Variants in THSD4 observed in about 807,000 individuals in gnomAD.
THSD4 encodes thrombospondin type 1 domain containing 4.
Under a neutral mutation model 119.0 loss-of-function variants are expected in THSD4, and 69 were observed. That is an observed-to-expected ratio of 0.58 (90% confidence interval 0.48 to 0.71). THSD4 has a LOEUF of 0.71. THSD4 is among the 30% of genes least tolerant of loss of function. The pLI is 0.00. For missense variants in THSD4, 1,393 were observed against 1,391.1 expected (o/e 1.00, Z -0.02); for synonymous variants, 524 against 540.4 (o/e 0.97, Z 0.42).
rs2048857399 is a variant in THSD4 at position 71,547,607 on chromosome 15, C to G, written c.1153-112923C>G. The G allele has an allele frequency of 1.3e-5, 14 of 1,074,720 alleles. No homozygotes were observed. In the South Asian group the frequency reaches 2.4e-4, roughly 18 times the overall value. 66.6% of individuals were successfully genotyped at this position (1,074,720 alleles called of 1,614,324 possible). On this transcript the variant is annotated intron_variant, in intron 7 of 17. Transcript: ENST00000261862. The stretch of plus-strand genomic sequence containing the variant: ...GTGCAAAGAGTAATGCTTTATATTA[C>G]TTTTGTAGGCTTCTCTTGCCTTTTC...
intron 7 of THSD4, among the ~76,000 whole-genome samples, chr15:71,521,479 C>T (rs374472550): frequency 1.3e-5 from 2 of 152,130 alleles, no homozygotes; most frequent in African/African-American, 2.4e-5. Context: ...GGTGGATGAT[C>T]GGATCTCAGT....
intron 4 of THSD4, among the ~76,000 whole-genome samples, chr15:71,216,752 G>A (rs920444659): frequency 2.6e-5 from 4 of 152,326 alleles, no homozygotes; most frequent in African/African-American, 7.2e-5. Flanking sequence ...CTAGATGTAC[G>A]TTGTCTCTTT....
At chr15:71,469,984 CAT>C (rs1267764361) in intron 7 of THSD4, among the ~76,000 whole-genome samples, 2 of 152,070 alleles carry the variant, frequency 1.3e-5, no homozygotes, top group East Asian at 3.9e-4. Context: ...TGGATTTTAA[CAT>C]ATAAATAGGA....
At chr15:71,555,065 C>A (rs886843981) in intron 7 of THSD4, among the ~76,000 whole-genome samples, 2 of 152,122 alleles carry the variant, frequency 1.3e-5, no homozygotes. Context: ...AATATAATCA[C>A]AGGTGTATGT....
Position 71,746,954 on chromosome 15 carries a change from G to T in THSD4, c.2153G>T (p.Arg718Leu). Residue 718 changes from arginine to leucine, a missense_variant, in exon 13 of 18, where the codon CGC (arginine) becomes CTC (leucine). By Grantham distance (102) the Arg-to-Leu change is moderately radical (BLOSUM62 -2). Coordinates refer to ENST00000261862, the MANE Select transcript of THSD4 (RefSeq NM_024817.3). The part of the protein sequence containing the change: ...ANRSLTVQPY[R>L]CQHLEKPETT... The stretch of plus-strand genomic sequence containing the variant: ...CGCAGCCTGACGGTGCAGCCCTACC[G>T]CTGCCAGCACCTGGAGAAACCTGAG... 1.2e-6 allele frequency: 2 copies of T among 1,613,728 alleles called. No individual in the cohort carries two copies.
At chr15:71,400,101 G>A (rs1012906164) in intron 6 of THSD4, among the ~76,000 whole-genome samples, 2 of 152,128 alleles carry the variant, frequency 1.3e-5, no homozygotes, top group African/African-American at 4.8e-5. Flanking sequence ...AGTCAGTAAA[G>A]TAAGATTCAG....
intron 4 of THSD4, among the ~76,000 whole-genome samples, chr15:71,223,472 G>A (rs141166338): frequency 7.2e-5 from 11 of 152,298 alleles, no homozygotes; most frequent in Admixed American, 3.3e-4. Context: ...AACACTACCC[G>A]CTGTCATTAG....
At chr15:71,569,586 G>T (rs2140896910) in intron 7 of THSD4, among the ~76,000 whole-genome samples, 1 of 152,324 alleles carries the variant, frequency 6.6e-6, no homozygotes, top group South Asian at 2.1e-4. Flanking sequence ...AGTAAGACTG[G>T]TGTCTAAACT....
intron 3 of THSD4, among the ~76,000 whole-genome samples, chr15:71,190,607 ATTTT>A (rs772139653): frequency 1.3e-5 from 2 of 151,914 alleles, no homozygotes; most frequent in Non-Finnish European, 2.9e-5. Flanking sequence ...GCATCTCTTT[ATTTT>A]TCTGACAAAC....
chr15:71,535,059 C>T (rs1269474813), intron 7 of THSD4, among the ~76,000 whole-genome samples: 4 of 152,228 alleles, frequency 2.6e-5, no homozygotes, highest in African/African-American at 7.2e-5. Flanking sequence ...GTGCAACTCT[C>T]ACCATAGTAT....
rs1454880279 is a variant in THSD4 at position 71,242,833 on chromosome 15, C to G, written c.649C>G (p.Gln217Glu). 1 of 1,614,078 alleles carries G rather than the reference C, an allele frequency of 6.2e-7. No individual in the cohort carries two copies. Among genetic ancestry groups the G allele is most frequent in the East Asian group, 2.2e-5 (1 of 44,898 alleles). Residue 217 changes from glutamine to glutamate, a missense_variant, in exon 5 of 18, where the codon CAG (glutamine) becomes GAG (glutamate). By Grantham distance (29) the Gln-to-Glu change is conservative. Coordinates refer to ENST00000261862, the MANE Select transcript of THSD4 (RefSeq NM_024817.3). ...ARHGYSSPAH[Q>E]VPQHGPLYQS... The stretch of plus-strand genomic sequence containing the variant: ...GCATGGCTACAGTTCACCAGCCCAC[C>G]AGGTCCCCCAACATGGGCCTTTGTA...
intron 6 of THSD4, among the ~76,000 whole-genome samples, chr15:71,264,396 T>C (rs954551560): frequency 4.6e-5 from 7 of 152,200 alleles, no homozygotes; most frequent in Non-Finnish European, 1.0e-4. Context: ...TTCTCAGAGC[T>C]CTCTTTTACA....
intron 6 of THSD4, among the ~76,000 whole-genome samples, chr15:71,355,445 A>T (rs1198744784): frequency 6.6e-6 from 1 of 152,194 alleles, no homozygotes; most frequent in Non-Finnish European, 1.5e-5. Flanking sequence ...TGTTCCAAAG[A>T]GAGGCTCCAA....
At chr15:71,633,205 CTG>C (rs1166701490) in intron 7 of THSD4, among the ~76,000 whole-genome samples, 3 of 151,904 alleles carry the variant, frequency 2.0e-5, no homozygotes, top group Non-Finnish European at 4.4e-5. Context: ...ACAGGTCTAA[CTG>C]GGGGAATATA....
chr15:71,257,352 C>G (rs1398714563), intron 6 of THSD4, among the ~76,000 whole-genome samples: 1 of 152,130 alleles, frequency 6.6e-6, no homozygotes, highest in East Asian at 1.9e-4. Flanking sequence ...TGAGATATTT[C>G]TACCCACCCC....
At chr15:71,369,529 A>G (rs1297312673) in intron 6 of THSD4, among the ~76,000 whole-genome samples, 1 of 152,150 alleles carries the variant, frequency 6.6e-6, no homozygotes, top group Admixed American at 6.5e-5. Context: ...TTCTGCATCT[A>G]TTGAGATAAT....
chr15:71,758,210 G>C (rs903612835), intron 15 of THSD4, 135 bp downstream of exon 15: 2 of 1,119,646 alleles, frequency 1.8e-6, no homozygotes, highest in South Asian at 3.5e-5. Context: ...TGTGACCCTG[G>C]AGAAGCTATT....
At chr15:71,301,535 TC>T (rs1323052611) in intron 6 of THSD4, among the ~76,000 whole-genome samples, 2 of 152,192 alleles carry the variant, frequency 1.3e-5, no homozygotes. Context: ...AAAAATGAGA[TC>T]TCTTCTGTAA....
intron 4 of THSD4, among the ~76,000 whole-genome samples, chr15:71,237,013 T>C (rs1000547441): frequency 6.6e-6 from 1 of 152,082 alleles, no homozygotes; most frequent in African/African-American, 2.4e-5. Flanking sequence ...ACAGCATAGG[T>C]CAAAACATGG....
Sources: allele counts gnomAD v4.1 joint callset (sites outside exome capture counted in the v4.1 genomes callset), GRCh38; gene constraint gnomAD v4.1.1; transcripts MANE v1.5; gene names NCBI Gene and HGNC (gene_info 2026-07-23, HGNC 2026-07-21).